Variants in EPG5 observed in about 807,000 individuals in gnomAD.
EPG5 encodes ectopic P granules protein 5 homolog.
EPG5 carries 159 observed loss-of-function variants against 302.7 expected under a neutral mutation model. The observed-to-expected ratio is 0.53, with a 90% CI of 0.46 to 0.60. The LOEUF is 0.60. EPG5 is among the 20% of genes least tolerant of loss of function. EPG5 has a pLI of 0.00. For missense variants in EPG5, 2,896 were observed against 3,092.4 expected, an observed-to-expected ratio of 0.94 and a Z score of 1.51; for synonymous variants, 1,158 against 1,136.8, an observed-to-expected ratio of 1.02 and a Z score of -0.37.
rs149846620 is a variant in EPG5 at position 45,874,658 on chromosome 18, G to A, written c.6049+1578C>T. Among the ~76,000 whole-genome samples the A allele has an allele frequency of 5.7e-3, 867 of 152,200 alleles. 14 individuals carry two copies. Among genetic ancestry groups the A allele is most frequent in the African/African-American group, 0.019 (771 of 41,520 alleles). ...CCAGGAGAACAGTATGAGGGAAACC[G>A]CCCCCATGATTCAATTATCTTCCAC... On this transcript the variant is annotated intron_variant, in intron 35 of 43. Transcript: ENST00000282041.
chr18:45,965,773 G>T (rs562750126), intron 1 of EPG5, among the ~76,000 whole-genome samples: 112 of 152,328 alleles, frequency 7.4e-4, no homozygotes, highest in African/African-American at 2.1e-3. Flanking sequence ...ATATAAATAG[G>T]GTGGGCGCGG....
chr18:45,929,505 T>C (rs1193192046), intron 12 of EPG5, among the ~76,000 whole-genome samples: 5 of 152,208 alleles, frequency 3.3e-5, no homozygotes, highest in Admixed American at 3.3e-4. Context: ...CACAATGGAA[T>C]ATACAGAAAA....
At chr18:45,844,961 C>A (rs2048352725), downstream of EPG5, among the ~76,000 whole-genome samples, 1 of 152,186 alleles carries the variant, frequency 6.6e-6, no homozygotes, top group Non-Finnish European at 1.5e-5. Flanking sequence ...CACCTCAATA[C>A]CATTACCACA....
intron 9 of EPG5, among the ~76,000 whole-genome samples, chr18:45,940,868 T>C (rs1220127109): frequency 1.3e-5 from 2 of 152,328 alleles, no homozygotes; most frequent in African/African-American, 4.8e-5. Flanking sequence ...ATAGAGTTGC[T>C]ACTTAATGAA....
Position 45,955,026 on chromosome 18 carries a change from C to T in EPG5, c.376G>A (p.Asp126Asn), listed in dbSNP as rs777595339. The stretch of plus-strand genomic sequence containing the variant: ...GTTTCTACTTTAGTTCCAACATTGT[C>T]TCCAGGGTGGACCTTTGGAGTGACT... ...SAVTPKVHPG[D>N]NVGTKVETPK... The change falls in exon 2 of 44, where the codon GAC becomes AAC. Residue 126 changes from aspartate (D) to asparagine (N), a missense_variant. Physicochemically the swap from Asp to Asn is conservative, Grantham distance 23. Around this residue, in one of 5 missense-constraint regions of EPG5, gnomAD observed 1,390 missense variants for 1,430.0 expected, o/e 0.97. Transcript: ENST00000282041. 1.2e-6 allele frequency: 2 copies of T among 1,614,210 alleles called. No individual in the cohort carries two copies. Among genetic ancestry groups the T allele is most frequent in the Middle Eastern group, 3.3e-4 (2 of 6,060 alleles).
At chr18:45,837,651 G>A in the EPG5 span, 5 of 1,505,764 alleles carry the variant, frequency 3.3e-6, no homozygotes, top group Non-Finnish European at 4.4e-6. Context: ...TGGCGCGCGG[G>A]CGAGCCCTAT....
the EPG5 span, among the ~76,000 whole-genome samples, chr18:45,816,358 GA>G: frequency 6.6e-6 from 1 of 152,026 alleles, no homozygotes; most frequent in African/African-American, 2.4e-5. Flanking sequence ...CACAGAGAGA[GA>G]AAATCTTCAC....
At chr18:45,845,379 A>G (rs2048355208), downstream of EPG5, among the ~76,000 whole-genome samples, 1 of 152,180 alleles carries the variant, frequency 6.6e-6, no homozygotes, top group Admixed American at 6.5e-5. Context: ...GTGCACAGGC[A>G]GCCCCCAGCT....
At chr18:45,870,489 C>T (rs2048845580) in intron 36 of EPG5, 78 bp downstream of exon 36, 1 of 1,309,174 alleles carries the variant, frequency 7.6e-7, no homozygotes, top group Non-Finnish European at 1.1e-6. Context: ...TGCCACTATG[C>T]CTAACAACCA....
chr18:45,954,122 A>G (rs1342798967), intron 2 of EPG5: 1 of 185,670 alleles, frequency 5.4e-6, no homozygotes, highest in Non-Finnish European at 1.0e-5. Context: ...AACCATCACA[A>G]CCTCACAGCA....
intron 14 of EPG5, among the ~76,000 whole-genome samples, chr18:45,924,369 A>G (rs1399795591): frequency 6.6e-6 from 1 of 152,228 alleles, no homozygotes; most frequent in Non-Finnish European, 1.5e-5. Context: ...GAGCATGTCA[A>G]TGAGAGAGGG....
the EPG5 span, among the ~76,000 whole-genome samples, chr18:45,810,607 C>G: frequency 6.6e-6 from 1 of 152,126 alleles, no homozygotes; most frequent in Non-Finnish European, 1.5e-5. Flanking sequence ...ATGGCAAAAC[C>G]CTGTCTCTAC....
the EPG5 span, among the ~76,000 whole-genome samples, chr18:45,840,455 C>T: frequency 6.6e-6 from 1 of 152,186 alleles, no homozygotes; most frequent in Admixed American, 6.5e-5. Flanking sequence ...TGACCTGCTC[C>T]TCCCCCACGA....
At position 45,855,558 on chromosome 18, in the gene EPG5, A is replaced by C. The variant is rs59817706; in HGVS notation, c.7557+15T>G. 6.2e-7 allele frequency: 1 copy of C among 1,600,236 alleles called. No homozygotes were observed. Among genetic ancestry groups the C allele is most frequent in the East Asian group, 2.2e-5 (1 of 44,714 alleles). On this transcript the variant is annotated intron_variant, in intron 43 of 43. Transcript: ENST00000282041. The stretch of plus-strand genomic sequence containing the variant: ...TGTGCAGGCAAACTTCTAACCCTTC[A>C]TTGTATATACTGACCTGCTGAGCTT...
At chr18:45,853,303 A>G (rs906751417) in intron 43 of EPG5, among the ~76,000 whole-genome samples, 3 of 152,244 alleles carry the variant, frequency 2.0e-5, no homozygotes, top group African/African-American at 7.2e-5. Flanking sequence ...ATGACACAAA[A>G]TCATGGCAGA....
chr18:45,840,093 T>G, the EPG5 span: 5 of 1,136,364 alleles, frequency 4.4e-6, no homozygotes, highest in Admixed American at 1.0e-4. Context: ...GTCTGCTGTT[T>G]GCTTCAAAAA....
the EPG5 span, chr18:45,838,673 G>A: frequency 6.6e-7 from 1 of 1,507,128 alleles, no homozygotes; most frequent in East Asian, 2.4e-5. Flanking sequence ...AAAGGGCTAA[G>A]GGGAGGGGTG....
the EPG5 span, among the ~76,000 whole-genome samples, chr18:45,822,820 G>A: frequency 1.3e-5 from 2 of 152,118 alleles, no homozygotes; most frequent in African/African-American, 2.4e-5. Flanking sequence ...AATAAATCAA[G>A]ACAGAATATA....
At chr18:45,807,680 G>A in the EPG5 span, among the ~76,000 whole-genome samples, 1 of 152,158 alleles carries the variant, frequency 6.6e-6, no homozygotes, top group African/African-American at 2.4e-5. Context: ...GGAAAAGGGA[G>A]AGAGTTCTAC....
Sources: gnomAD v4.1 joint callset for allele counts (sites outside exome capture counted in the v4.1 genomes callset) on GRCh38, gnomAD v4.1.1 for gene constraint, gnomAD v4.1.1 regional missense constraint, MANE v1.5 for transcripts, NCBI Gene and HGNC (gene_info 2026-07-23, HGNC 2026-07-21) for gene names.